Variants in TMEM9 observed in about 807,000 individuals in gnomAD.
TMEM9 encodes the protein proton-transporting V-type ATPase complex assembly regulator TMEM9.
A neutral mutation model predicts 22.8 loss-of-function variants in TMEM9; 13 were observed. That is an observed-to-expected ratio of 0.57 (90% CI 0.37 to 0.91). The LOEUF is 0.91. TMEM9 is among the 40% of genes least tolerant of loss of function. The pLI is 0.01. For synonymous variants in TMEM9, 88 were observed against 93.0 expected (o/e 0.95, Z 0.31); for missense variants, 182 against 238.1 (o/e 0.76, Z 1.55).
intron 1 of TMEM9, among the ~76,000 whole-genome samples, chr1:201,152,663 C>T (rs1665526616): frequency 6.6e-6 from 1 of 152,192 alleles, no homozygotes; most frequent in South Asian, 2.1e-4. Flanking sequence ...TCTCCCTAAG[C>T]AGAGTAATAG....
At chr1:201,152,867 C>T (rs779506364) in intron 1 of TMEM9, among the ~76,000 whole-genome samples, 2 of 152,178 alleles carry the variant, frequency 1.3e-5, no homozygotes, top group African/African-American at 4.8e-5. Flanking sequence ...CATAACAGAA[C>T]AAGAAATCGT....
chr1:201,151,260 T>A (rs1272248731), intron 2 of TMEM9, among the ~76,000 whole-genome samples: 1 of 152,230 alleles, frequency 6.6e-6, no homozygotes, highest in Non-Finnish European at 1.5e-5. Flanking sequence ...GTTATTCTTC[T>A]CTTTTTAAAA....
rs143189588 is a variant in TMEM9, at chr1:201,164,704, G to A, written c.-37+6786C>T. Among the ~76,000 whole-genome samples, 177 of 152,182 alleles carry A rather than the reference G, an allele frequency of 1.2e-3. 1 individual carries two copies. The highest frequency in any genetic ancestry group is 4.0e-3 in the African/African-American group (166 of 41,522). ...TATCACTGTCTCCATTTCTTGGCTC[G>A]GCTTTCCTCTGGGAACGTGCTTTAT... On this transcript the variant is annotated intron_variant, in intron 1 of 5. Transcript: ENST00000367333.
intron 3 of TMEM9, chr1:201,144,816 G>A (rs1326452488): frequency 2.6e-5 from 4 of 152,140 alleles, no homozygotes; most frequent in East Asian, 1.9e-4. Flanking sequence ...AGAACTGCTG[G>A]GCTAGATCAC....
chr1:201,162,548 A>C (rs1665972734), intron 1 of TMEM9, among the ~76,000 whole-genome samples: 1 of 152,056 alleles, frequency 6.6e-6, no homozygotes, highest in Non-Finnish European at 1.5e-5. Context: ...AAAAAAAAAA[A>C]AACCCTGACT....
intron 1 of TMEM9, among the ~76,000 whole-genome samples, chr1:201,164,929 A>C (rs1281282386): frequency 6.6e-6 from 1 of 151,820 alleles, no homozygotes; most frequent in Non-Finnish European, 1.5e-5. Flanking sequence ...CAGGTTGATG[A>C]ATAACTCTGA....
At chr1:201,167,804 C>T (rs1250062854) in intron 1 of TMEM9, among the ~76,000 whole-genome samples, 2 of 152,168 alleles carry the variant, frequency 1.3e-5, no homozygotes, top group South Asian at 2.1e-4. Flanking sequence ...TCCCCTACTG[C>T]CATAAGTTTC....
chr1:201,141,643 C>T (rs1249961024), intron 4 of TMEM9, among the ~76,000 whole-genome samples: 1 of 152,126 alleles, frequency 6.6e-6, no homozygotes, highest in African/African-American at 2.4e-5. Context: ...ACTTCCCCTA[C>T]AGGAGGGAGC....
At chr1:201,147,883 C>T (rs749043735) in intron 2 of TMEM9, among the ~76,000 whole-genome samples, 44 of 152,198 alleles carry the variant, frequency 2.9e-4, no homozygotes, top group Middle Eastern at 3.2e-3. Flanking sequence ...CATGGCTTTG[C>T]CACCTCATCT....
Position 201,153,970 on chromosome 1 carries a change from A to G in TMEM9, c.-47T>C. 6.3e-7 allele frequency: 1 copy of G among 1,576,322 alleles called. No individual in the cohort carries two copies. The highest frequency in any genetic ancestry group is 1.2e-5 in the South Asian group (1 of 84,940). The stretch of plus-strand genomic sequence containing the variant: ...AGCAAAGCCGGACACCTGGAAAAAG[A>G]GATACGGAGTCGGAGAAGGGGAAGG... On this transcript the variant is annotated 5_prime_UTR_variant, in exon 1 of 5. Coordinates refer to ENST00000367330, the MANE Select transcript of TMEM9 (RefSeq NM_001288565.2).
At chr1:201,139,466 C>T (rs1664314461) in intron 4 of TMEM9, among the ~76,000 whole-genome samples, 1 of 152,150 alleles carries the variant, frequency 6.6e-6, no homozygotes, top group Non-Finnish European at 1.5e-5. Context: ...CTTCCTATGA[C>T]ACACCAACTC....
chr1:201,158,675 G>T (rs1423379838), upstream of TMEM9, among the ~76,000 whole-genome samples: 3 of 152,064 alleles, frequency 2.0e-5, no homozygotes, highest in Non-Finnish European at 4.4e-5. Context: ...CATCAGCAGT[G>T]CACTCTCCCC....
chr1:201,135,770 G>A lies in TMEM9; in HGVS notation c.445C>T (p.Arg149Ter), dbSNP rs1249928377. The A allele has an allele frequency of 1.2e-6, 2 of 1,612,854 alleles. No homozygotes were observed. The highest frequency in any genetic ancestry group is 1.7e-6 in the Non-Finnish European group (2 of 1,179,468). The change falls in exon 5 of 5, where the codon CGA becomes TGA. Residue 149 changes from arginine (R) to a stop codon, truncating the protein, a stop_gained. Coordinates refer to ENST00000367330, the MANE Select transcript of TMEM9 (RefSeq NM_001288565.2). LOFTEE classifies it high-confidence loss of function. ...AAAAASLGGP[R>*]ANTVLERVEG... ...ACACGCTCCAGGACTGTGTTTGCTC[G>A]GGGTCCCCCGAGGGATGCAGCAGCT... is the stretch of plus-strand genomic sequence containing the variant.
chr1:201,167,106 A>T (rs557427739), intron 1 of TMEM9, among the ~76,000 whole-genome samples: 2 of 152,264 alleles, frequency 1.3e-5, no homozygotes, highest in Non-Finnish European at 1.5e-5. Flanking sequence ...AAAGTATACA[A>T]ATCTTAATTG....
At chr1:201,157,450 A>G (rs1426558018), upstream of TMEM9, among the ~76,000 whole-genome samples, 16 of 152,258 alleles carry the variant, frequency 1.1e-4, no homozygotes, top group African/African-American at 9.6e-5. Context: ...GCTTCCTTAT[A>G]TATGTTTGCA....
chr1:201,153,789 G>C, intron 1 of TMEM9, 69 bp downstream of exon 1: 2 of 1,604,956 alleles, frequency 1.2e-6, no homozygotes, highest in South Asian at 1.1e-5. Flanking sequence ...CTACCTCTGA[G>C]TCAGCCCTGT....
Position 201,143,816 on chromosome 1 carries a change from T to C in TMEM9, c.399+4A>G, listed in dbSNP as rs1199077947. On this transcript the variant is annotated splice_donor_region_variant and intron_variant, in intron 4 of 4. Coordinates refer to ENST00000367330, the MANE Select transcript of TMEM9 (RefSeq NM_001288565.2). ...CAGGGCCTGGGCACTCAAAGCCCTC[T>C]TACCTCATTCTCCTCCTCATTGTGC... 6.2e-7 allele frequency: 1 copy of C among 1,613,942 alleles called. No individual in the cohort carries two copies. Among genetic ancestry groups the C allele is most frequent in the East Asian group, 2.2e-5 (1 of 44,878 alleles).
intron 1 of TMEM9, among the ~76,000 whole-genome samples, chr1:201,160,317 T>C (rs1230845431): frequency 6.6e-6 from 1 of 152,218 alleles, no homozygotes. Flanking sequence ...AGGCCAGGCA[T>C]GTTGGCTCAC....
At chr1:201,168,247 A>C (rs1666125180) in intron 1 of TMEM9, among the ~76,000 whole-genome samples, 1 of 152,210 alleles carries the variant, frequency 6.6e-6, no homozygotes, top group Non-Finnish European at 1.5e-5. Context: ...GGACATGTGC[A>C]TTCATCTCTC....
Sources: allele counts gnomAD v4.1 joint callset (sites outside exome capture counted in the v4.1 genomes callset), GRCh38; gene constraint gnomAD v4.1.1; transcripts MANE v1.5; gene names NCBI Gene and HGNC (gene_info 2026-07-23, HGNC 2026-07-21).